The following MED13 variants were observed in gnomAD, a reference collection of about 807,000 sequenced individuals.
The protein encoded by MED13 is mediator of RNA polymerase II transcription subunit 13.
In MED13, 23 loss-of-function variants were observed where a neutral mutation model predicts 225.2. The observed-to-expected ratio is 0.10, with a 90% CI of 0.07 to 0.14. The LOEUF (loss-of-function observed/expected upper bound fraction) is 0.14, where lower values mean the gene tolerates loss of function less well. MED13 is among the 10% of genes least tolerant of loss of function. The pLI is 1.00. For synonymous variants in MED13, 942 were observed against 889.2 expected (o/e 1.06, Z -1.06); for missense variants, 2,197 against 2,594.5 (o/e 0.85, Z 3.33).
rs146213500 is a variant in MED13, at chr17:62,028,125, C to T, written c.1283+1416G>A. On this transcript the variant is annotated intron_variant, in intron 8 of 29. Transcript: ENST00000397786. The stretch of plus-strand genomic sequence containing the variant: ...CAAATGTCCACTGCAGCACTATTCA[C>T]AATAGCAAAGACATGGAATCAACCT... Among the ~76,000 whole-genome samples, 903 of 152,190 alleles carry T rather than the reference C, an allele frequency of 5.9e-3. 9 individuals are homozygous for T. Among genetic ancestry groups the T allele is most frequent in the African/African-American group, 0.021 (885 of 41,512 alleles).
chr17:61,952,593 G>A (rs749826955), intron 27 of MED13, among the ~76,000 whole-genome samples: 6 of 152,194 alleles, frequency 3.9e-5, no homozygotes, highest in Non-Finnish European at 7.3e-5. Context: ...ATGTAGAAAT[G>A]CATGAATGTA....
intron 28 of MED13, among the ~76,000 whole-genome samples, chr17:61,947,655 A>C (rs1377720669): frequency 1.3e-5 from 2 of 152,204 alleles, no homozygotes; most frequent in Non-Finnish European, 2.9e-5. Flanking sequence ...TCTTCGGTTG[A>C]ACTGAGAACA....
chr17:61,965,268 T>G lies in MED13; in HGVS notation c.4582A>C (p.Thr1528Pro). Residue 1528 changes from threonine (T) to proline (P), a missense_variant, in exon 20 of 30, where the codon ACA becomes CCA. Transcript: ENST00000397786. ...SGVAISTSVA[T>P]ANSTLTTAST... is the part of the protein sequence containing the mutation. ...GCTGTGGTCAAAGTTGAATTAGCTGTGGCAACTGAAGTAGATATGGCAACA... is the reference window on the plus strand; with the variant it reads ...GCTGTGGTCAAAGTTGAATTAGCTGGGGCAACTGAAGTAGATATGGCAACA... 6.2e-7 allele frequency: 1 copy of G among 1,614,206 alleles called. No individual in the cohort carries two copies. The highest frequency in any genetic ancestry group is 1.6e-4 in the Middle Eastern group (1 of 6,062).
chr17:61,975,454 TATA>T (rs1272962002), intron 16 of MED13, among the ~76,000 whole-genome samples: 5 of 152,190 alleles, frequency 3.3e-5, no homozygotes, highest in African/African-American at 7.2e-5. Context: ...ATAAGATGAC[TATA>T]ATAAGAAAAA....
At chr17:62,048,241 T>C (rs2080920227) in intron 3 of MED13, among the ~76,000 whole-genome samples, 1 of 148,738 alleles carries the variant, frequency 6.7e-6, no homozygotes, top group Non-Finnish European at 1.5e-5. Flanking sequence ...CCCCGTCTCC[T>C]TAAAAATACA....
chr17:62,055,037 T>C (rs1046754775), intron 2 of MED13, among the ~76,000 whole-genome samples: 1 of 152,112 alleles, frequency 6.6e-6, no homozygotes, highest in African/African-American at 2.4e-5. Context: ...TTCGCAAAAA[T>C]AGTAAATAAA....
At chr17:61,950,317 TAAC>T (rs1446044240) in intron 28 of MED13, among the ~76,000 whole-genome samples, 2 of 151,514 alleles carry the variant, frequency 1.3e-5, no homozygotes, top group African/African-American at 2.4e-5. Context: ...CAATCTACAC[TAAC>T]AACAAGGGCC....
At chr17:62,040,198 T>C (rs2080841535) in intron 3 of MED13, among the ~76,000 whole-genome samples, 1 of 152,322 alleles carries the variant, frequency 6.6e-6, no homozygotes, top group South Asian at 2.1e-4. Flanking sequence ...TATCATCCCA[T>C]CAAACATTTT....
intron 2 of MED13, among the ~76,000 whole-genome samples, chr17:62,053,538 T>C (rs2080973464): frequency 3.3e-5 from 5 of 152,200 alleles, no homozygotes; most frequent in Admixed American, 3.3e-4. Flanking sequence ...TTCATATCTG[T>C]CACAAAGCAT....
chr17:61,946,808 C>T, intron 29 of MED13, 109 bp downstream of exon 29: 2 of 1,122,794 alleles, frequency 1.8e-6, no homozygotes, highest in African/African-American at 3.1e-5. Flanking sequence ...TAGAGATCCA[C>T]TGGTACACAA....
intron 16 of MED13, among the ~76,000 whole-genome samples, chr17:61,981,384 A>G (rs2080203208): frequency 6.6e-6 from 1 of 152,184 alleles, no homozygotes; most frequent in African/African-American, 2.4e-5. Flanking sequence ...AAAACTGTTC[A>G]ATAGCTTCCC....
chr17:62,018,754 G>A (rs911495946), intron 8 of MED13, among the ~76,000 whole-genome samples: 2 of 151,940 alleles, frequency 1.3e-5, no homozygotes, highest in Non-Finnish European at 2.9e-5. Context: ...ATGCATACGG[G>A]TTATATGAAT....
chr17:62,037,113 C>T (rs914873453), intron 3 of MED13, among the ~76,000 whole-genome samples: 1 of 151,898 alleles, frequency 6.6e-6, no homozygotes, highest in Non-Finnish European at 1.5e-5. Context: ...ATTAGCCAGG[C>T]GCAGTGGCAG....
Position 61,993,793 on chromosome 17 carries a change from T to C in MED13, c.2182-1172A>G, listed in dbSNP as rs142357889. ...GAAAATACACAAAATTAGCCGAGCGTAGTGGCGCATGCCTGTAATCTCAGC... is the reference window on the plus strand; with the variant it reads ...GAAAATACACAAAATTAGCCGAGCGCAGTGGCGCATGCCTGTAATCTCAGC... On this transcript the variant is annotated intron_variant, in intron 10 of 29. Transcript: ENST00000397786. Among the ~76,000 whole-genome samples the C allele has an allele frequency of 5.7e-3, 868 of 151,844 alleles. 6 individuals carry two copies. Among genetic ancestry groups the C allele is most frequent in the African/African-American group, 0.02 (826 of 41,444 alleles).
At chr17:62,044,748 C>T (rs1288152668) in intron 3 of MED13, among the ~76,000 whole-genome samples, 1 of 152,174 alleles carries the variant, frequency 6.6e-6, no homozygotes, top group African/African-American at 2.4e-5. Flanking sequence ...CTGCAACCTC[C>T]ACCTCCCGGG....
chr17:62,001,352 C>T (rs2080393042), intron 9 of MED13, among the ~76,000 whole-genome samples: 1 of 152,172 alleles, frequency 6.6e-6, no homozygotes, highest in Admixed American at 6.5e-5. Context: ...TTCCCAGTGT[C>T]GGCCTCACAT....
At chr17:62,061,410 CTT>C (rs565145334) in intron 2 of MED13, among the ~76,000 whole-genome samples, 5 of 151,990 alleles carry the variant, frequency 3.3e-5, no homozygotes, top group Non-Finnish European at 7.4e-5. Flanking sequence ...TTAAAATTAT[CTT>C]TGATTCTACA....
chr17:61,963,419 C>G (rs529177451), intron 20 of MED13, among the ~76,000 whole-genome samples: 16 of 151,990 alleles, frequency 1.1e-4, no homozygotes, highest in Non-Finnish European at 1.6e-4. Flanking sequence ...CGTTTCCAGA[C>G]TTATTTAATG....
At chr17:61,975,495 C>G (rs2080146780) in intron 16 of MED13, among the ~76,000 whole-genome samples, 1 of 152,160 alleles carries the variant, frequency 6.6e-6, no homozygotes, top group African/African-American at 2.4e-5. Context: ...GTGAAACCCT[C>G]ATATATTGCT....
Sources: allele counts gnomAD v4.1 joint callset (sites outside exome capture counted in the v4.1 genomes callset), GRCh38; gene constraint gnomAD v4.1.1; transcripts MANE v1.5; gene names NCBI Gene and HGNC (gene_info 2026-07-23, HGNC 2026-07-21).